The following ME1 variants were observed in gnomAD, a reference collection of about 807,000 sequenced individuals.
ME1 encodes the protein malic enzyme 1.
A neutral mutation model predicts 66.4 loss-of-function variants in ME1; 74 were observed. The observed-to-expected ratio is 1.11, with a 90% CI of 0.92 to 1.35. The LOEUF (loss-of-function observed/expected upper bound fraction) is 1.35. Among genes scored for constraint, ME1 ranks in the 40% most tolerant of loss-of-function variants. The pLI, the probability that ME1 is intolerant of heterozygous loss-of-function variation, is 0.00. For synonymous variants in ME1, 251 were observed against 235.6 expected, an observed-to-expected ratio of 1.07 and a Z score of -0.60; for missense variants, 750 against 694.1, an observed-to-expected ratio of 1.08 and a Z score of -0.90.
chr6:83,419,519 T>C (rs937605351), intron 1 of ME1, among the ~76,000 whole-genome samples: 1 of 152,230 alleles, frequency 6.6e-6, no homozygotes, highest in Non-Finnish European at 1.5e-5. Flanking sequence ...TAAAAAATAC[T>C]TCATACAATA....
chr6:83,244,118 C>G (rs552901493), intron 7 of ME1, among the ~76,000 whole-genome samples: 8 of 151,648 alleles, frequency 5.3e-5, no homozygotes, highest in Non-Finnish European at 1.0e-4. Flanking sequence ...CCAATCTTCT[C>G]CTACTTAAAG....
At chr6:83,234,392 C>T (rs1790358304) in intron 9 of ME1, among the ~76,000 whole-genome samples, 1 of 152,148 alleles carries the variant, frequency 6.6e-6, no homozygotes, top group Non-Finnish European at 1.5e-5. Context: ...GTATCTCCAA[C>T]TGCCAATGGG....
chr6:83,403,950 T>C (rs1015658220), intron 2 of ME1, among the ~76,000 whole-genome samples: 4 of 152,208 alleles, frequency 2.6e-5, no homozygotes, highest in African/African-American at 9.7e-5. Context: ...TTGTGAATAG[T>C]GCCGCAGTAA....
chr6:83,407,011 C>A (rs1769958325), intron 2 of ME1, among the ~76,000 whole-genome samples: 1 of 150,742 alleles, frequency 6.6e-6, no homozygotes, highest in Non-Finnish European at 1.5e-5. Flanking sequence ...CACATCCTAT[C>A]AGCTCTGCTT....
intron 3 of ME1, among the ~76,000 whole-genome samples, chr6:83,357,414 T>C (rs1768910993): frequency 6.6e-6 from 1 of 152,212 alleles, no homozygotes; most frequent in Admixed American, 6.5e-5. Context: ...TTCAACAGGT[T>C]TTAATCTATT....
intron 3 of ME1, among the ~76,000 whole-genome samples, chr6:83,369,671 CGAAG>C (rs796598711): frequency 0.17 from 12,211 of 72,044 alleles, 680 homozygotes; most frequent in Non-Finnish European, 0.19. Flanking sequence ...AAGGAAGGAA[CGAAG>C]GAAGGAAGGA....
intron 9 of ME1, chr6:83,229,178 A>T: frequency 1.8e-6 from 1 of 544,868 alleles, no homozygotes; most frequent in Non-Finnish European, 3.4e-6. Context: ...CATTTAATTG[A>T]TATTAAAAAT....
intron 1 of ME1, among the ~76,000 whole-genome samples, chr6:83,415,353 G>C (rs1197573598): frequency 6.6e-6 from 1 of 152,066 alleles, no homozygotes; most frequent in Non-Finnish European, 1.5e-5. Flanking sequence ...TCTCCTTCAA[G>C]GGATAATTCT....
chr6:83,352,468 A>G lies in ME1; in HGVS notation c.363-329T>C, dbSNP rs1768821249. Among the ~76,000 whole-genome samples, 3 of 152,338 alleles carry G rather than the reference A, an allele frequency of 2.0e-5. 1 individual carries two copies. The highest frequency in any genetic ancestry group is 6.8e-3 in the Middle Eastern group (2 of 294). Reference sequence around the variant, plus strand: ...CAGTTCCACTCACAAATTCATTTAGAATCTGTCATGATATAATATATATAA... The same window carrying G: ...CAGTTCCACTCACAAATTCATTTAGGATCTGTCATGATATAATATATATAA... On this transcript the variant is annotated intron_variant, in intron 3 of 13. Coordinates refer to ENST00000369705, the MANE Select transcript of ME1 (RefSeq NM_002395.6).
intron 5 of ME1, among the ~76,000 whole-genome samples, chr6:83,329,589 T>C (rs1241392862): frequency 6.6e-6 from 1 of 152,200 alleles, no homozygotes; most frequent in African/African-American, 2.4e-5. Context: ...AATTCATATC[T>C]GTACCTGCTA....
intron 5 of ME1, among the ~76,000 whole-genome samples, chr6:83,339,996 T>C (rs1167920395): frequency 1.3e-5 from 2 of 148,258 alleles, no homozygotes; most frequent in Non-Finnish European, 3.0e-5. Flanking sequence ...AGAAAAGAAA[T>C]GTGAAATACT....
At chr6:83,263,526 GC>G (rs1423380668) in intron 6 of ME1, among the ~76,000 whole-genome samples, 1 of 152,004 alleles carries the variant, frequency 6.6e-6, no homozygotes, top group African/African-American at 2.4e-5. Flanking sequence ...TGATAAGAAA[GC>G]AAAAAAAGTC....
chr6:83,300,058 T>G (rs570252527), intron 6 of ME1, among the ~76,000 whole-genome samples: 2 of 152,246 alleles, frequency 1.3e-5, no homozygotes, highest in South Asian at 4.2e-4. Flanking sequence ...TGGCCTGAAG[T>G]TTTCTTTTTC....
At chr6:83,429,471 CACAT>C (rs1317926085) in intron 1 of ME1, among the ~76,000 whole-genome samples, 4 of 152,164 alleles carry the variant, frequency 2.6e-5, no homozygotes, top group Non-Finnish European at 5.9e-5. Flanking sequence ...AGGCAGGTGA[CACAT>C]ACAAGTCACA....
chr6:83,272,788 G>A lies in ME1; in HGVS notation c.705-19050C>T, dbSNP rs113953332. 1.9e-3 allele frequency among the ~76,000 whole-genome samples: 284 copies of A among 152,074 alleles called. 1 individual carries two copies. The highest frequency in any genetic ancestry group is 0.01 in the Middle Eastern group (3 of 294). ...ATATATGCAGATAATATTTATATGC[G>A]TATACATTTATATTGATATTTATAT... On this transcript the variant is annotated intron_variant, in intron 6 of 13. Coordinates refer to ENST00000369705, the MANE Select transcript of ME1 (RefSeq NM_002395.6).
At chr6:83,355,921 A>G (rs1335591577) in intron 3 of ME1, among the ~76,000 whole-genome samples, 1 of 152,140 alleles carries the variant, frequency 6.6e-6, no homozygotes, top group African/African-American at 2.4e-5. Flanking sequence ...ATGCCAACTA[A>G]GAATACTCCT....
intron 4 of ME1, among the ~76,000 whole-genome samples, chr6:83,347,624 G>T (rs1266189045): frequency 6.6e-6 from 1 of 152,050 alleles, no homozygotes; most frequent in African/African-American, 2.4e-5. Context: ...TTGGCACACA[G>T]TAAACAATCA....
At chr6:83,274,281 T>TA (rs1767135924) in intron 6 of ME1, among the ~76,000 whole-genome samples, 1 of 152,132 alleles carries the variant, frequency 6.6e-6, no homozygotes, top group African/African-American at 2.4e-5. Context: ...ACATGTTTGA[T>TA]AAAAATACTG....
At chr6:83,279,259 C>A (rs147057018) in intron 6 of ME1, among the ~76,000 whole-genome samples, 2 of 152,254 alleles carry the variant, frequency 1.3e-5, no homozygotes, top group East Asian at 1.9e-4. Context: ...TTCCTTTTAC[C>A]CCATATAGCA....
Sources: allele counts gnomAD v4.1 joint callset (sites outside exome capture counted in the v4.1 genomes callset), GRCh38; gene constraint gnomAD v4.1.1; transcripts MANE v1.5; gene names NCBI Gene and HGNC (gene_info 2026-07-23, HGNC 2026-07-21).